The following COPS4 variants were observed in gnomAD, a reference collection of about 807,000 sequenced individuals.
COPS4 encodes the protein COP9 signalosome subunit 4, also known as COP9 signalosome complex subunit 4.
Under a neutral mutation model 55.1 loss-of-function variants are expected in COPS4, and 8 were observed. The observed-to-expected ratio is 0.15, with a 90% confidence interval of 0.09 to 0.26. The LOEUF (loss-of-function observed/expected upper bound fraction) is 0.26, where lower values mean the gene tolerates loss of function less well. COPS4 is among the 10% of genes least tolerant of loss of function. The pLI, the probability that COPS4 is intolerant of heterozygous loss-of-function variation, is 1.00. For missense variants in COPS4, 248 were observed against 484.0 expected (o/e 0.51, Z 4.58); for synonymous variants, 185 against 165.7 (o/e 1.12, Z -0.90).
chr4:83,063,278 T>TGATTCTCCTACTTCAGC lies in COPS4; in HGVS notation c.886+32_886+33insGATTCTCCTACTTCAGC, dbSNP rs761057134. 4.0e-5 allele frequency: 61 copies of TGATTCTCCTACTTCAGC among 1,541,752 alleles called. No homozygotes were observed. In the African/African-American group the frequency reaches 8.4e-4, roughly 21 times the overall value. On this transcript the variant is annotated intron_variant, in intron 7 of 9. Transcript: ENST00000264389. The stretch of plus-strand genomic sequence containing the variant: ...ATCCTGTCTTATGTGTATATGGTAG[T>TGATTCTCCTACTTCAGC]CAATGTTTAGGTACAGACTAGTGAA...
At chr4:83,048,546 G>T (rs1730776819) in intron 2 of COPS4, among the ~76,000 whole-genome samples, 1 of 152,004 alleles carries the variant, frequency 6.6e-6, no homozygotes, top group South Asian at 2.1e-4. Flanking sequence ...AGAAAAATGA[G>T]ATAAAATTAT....
chr4:83,059,339 T>A (rs1328542106), intron 6 of COPS4, among the ~76,000 whole-genome samples: 1 of 152,210 alleles, frequency 6.6e-6, no homozygotes, highest in Non-Finnish European at 1.5e-5. Context: ...TCTGAAATTA[T>A]ATGTAGTTGT....
At chr4:83,073,317 A>G in intron 9 of COPS4, 1 of 694,620 alleles carries the variant, frequency 1.4e-6, no homozygotes, top group South Asian at 1.5e-5. Flanking sequence ...GATTCCACTC[A>G]GCATAGTATC....
At chr4:83,047,564 A>G (rs1391974828) in intron 2 of COPS4, among the ~76,000 whole-genome samples, 2 of 152,178 alleles carry the variant, frequency 1.3e-5, no homozygotes, top group African/African-American at 4.8e-5. Context: ...AAACAATTAA[A>G]AAACATATAT....
At chr4:83,044,192 C>T (rs1361741218) in intron 1 of COPS4, among the ~76,000 whole-genome samples, 1 of 152,194 alleles carries the variant, frequency 6.6e-6, no homozygotes, top group East Asian at 1.9e-4. Context: ...CGCCTGTAAT[C>T]CCAGCACTGT....
chr4:83,038,624 T>G (rs1332959147), intron 1 of COPS4, among the ~76,000 whole-genome samples: 4 of 4,432 alleles, frequency 9.0e-4, no homozygotes, highest in Admixed American at 3.5e-3. Context: ...CACTTACCTG[T>G]TTTTTTTGTT....
intron 9 of COPS4, among the ~76,000 whole-genome samples, chr4:83,071,654 A>G (rs551143878): frequency 6.6e-6 from 1 of 151,224 alleles, no homozygotes; most frequent in African/African-American, 2.4e-5. Flanking sequence ...CCTGGCCTCA[A>G]GTGATCCTCC....
rs759755279 is a variant in COPS4 at position 83,057,362 on chromosome 4, A to G, written c.669A>G (p.Leu223=). ...CAATAGTCCACGAAAGTGAAAGACT[A>G]GAGGCCTTAAAACATGCTTTGCACT... The part of the protein sequence containing the change: ...YKTIVHESER[L]EALKHALHCT... Residue 223 remains leucine, a synonymous_variant, in exon 6 of 10, where the codon CTA becomes CTG. Coordinates refer to ENST00000264389, the MANE Select transcript of COPS4 (RefSeq NM_016129.3). 1.3e-5 allele frequency: 21 copies of G among 1,612,896 alleles called. No individual in the cohort carries two copies. Among genetic ancestry groups the G allele is most frequent in the Non-Finnish European group, 1.7e-5 (20 of 1,179,552 alleles).
chr4:83,075,375 G>C lies in COPS4; in HGVS notation c.1166G>C (p.Ser389Thr), dbSNP rs901607194. 5 of 1,614,012 alleles carry C rather than the reference G, an allele frequency of 3.1e-6. No individual in the cohort carries two copies. The highest frequency in any genetic ancestry group is 3.4e-6 in the Non-Finnish European group (4 of 1,180,026). ...GTGAATAACCTTTTGGAGAAAATTA[G>C]TCAAACAGCACCAGAATGGACAGCA... Reference protein sequence around the residue: ...FQVNNLLEKISQTAPEWTAQA... With the variant: ...FQVNNLLEKITQTAPEWTAQA... Residue 389 changes from serine (S) to threonine (T), a missense_variant, in exon 10 of 10, where the codon AGT (serine) becomes ACT (threonine). Physicochemically the swap from Ser to Thr is moderately conservative, Grantham distance 58. Around this residue, in one of 4 missense-constraint regions of COPS4, gnomAD observed 38 missense variants for 77.9 expected, o/e 0.49. Transcript: ENST00000264389.
chr4:83,035,205 A>C lies in COPS4; in HGVS notation c.-20A>C, dbSNP rs1578698289. On this transcript the variant is annotated 5_prime_UTR_variant, in exon 1 of 10. Coordinates refer to ENST00000264389, the MANE Select transcript of COPS4 (RefSeq NM_016129.3). ...TTGGCTGCCAGAGGCCCCCGCATCCACCGCTGAGCTGGGAGAAAGATGGCG... is the reference window on the plus strand; with the variant it reads ...TTGGCTGCCAGAGGCCCCCGCATCCCCCGCTGAGCTGGGAGAAAGATGGCG... 1 of 1,550,360 alleles carries C rather than the reference A, an allele frequency of 6.5e-7. No individual in the cohort carries two copies. Among genetic ancestry groups the C allele is most frequent in the Non-Finnish European group, 8.8e-7 (1 of 1,139,534 alleles).
intron 1 of COPS4, 140 bp from the exon 2 acceptor site, chr4:83,045,486 G>C (rs1730683949): frequency 1.9e-6 from 1 of 525,294 alleles, no homozygotes; most frequent in Admixed American, 3.4e-5. Flanking sequence ...AAAAAAATCT[G>C]TGGTATACTA....
rs1731552744 is a variant in COPS4, at chr4:83,075,558, G to T, written c.*128G>T. On this transcript the variant is annotated 3_prime_UTR_variant, in exon 10 of 10. Coordinates refer to ENST00000264389, the MANE Select transcript of COPS4 (RefSeq NM_016129.3). ...CCTTTTATGCTGGATTCCGTTTAAA[G>T]AAGACATTATTAGAGCAGGAAGTAC... 5.7e-6 allele frequency: 6 copies of T among 1,047,122 alleles called. No individual in the cohort carries two copies. Among genetic ancestry groups the T allele is most frequent in the Non-Finnish European group, 6.8e-6 (5 of 739,578 alleles). 64.9% of individuals were successfully genotyped at this position (1,047,122 alleles called of 1,614,324 possible).
chr4:83,040,901 A>G lies in COPS4; in HGVS notation c.75-4725A>G, dbSNP rs537336661. 7.3e-5 allele frequency among the ~76,000 whole-genome samples: 11 copies of G among 150,664 alleles called. No homozygotes were observed. In the East Asian group the frequency reaches 9.8e-4, roughly 13 times the overall value. Reference sequence around the variant, plus strand: ...TGTGGTACATTTTCATGCTTTATTTATCTCCAGATTCCTTTCAAGTGCCAA... The same window carrying G: ...TGTGGTACATTTTCATGCTTTATTTGTCTCCAGATTCCTTTCAAGTGCCAA... On this transcript the variant is annotated intron_variant, in intron 1 of 9. Transcript: ENST00000264389.
At chr4:83,040,124 G>A (rs1730521594) in intron 1 of COPS4, among the ~76,000 whole-genome samples, 1 of 152,120 alleles carries the variant, frequency 6.6e-6, no homozygotes, top group Non-Finnish European at 1.5e-5. Flanking sequence ...TGTTTAATCT[G>A]CCGTTAAGTA....
chr4:83,053,581 C>T (rs1035071227), intron 4 of COPS4, among the ~76,000 whole-genome samples: 1 of 152,092 alleles, frequency 6.6e-6, no homozygotes, highest in African/African-American at 2.4e-5. Flanking sequence ...TAGCTCACGC[C>T]TGTAATCCCA....
At chr4:83,065,101 C>G (rs909093391) in intron 7 of COPS4, 1 of 675,894 alleles carries the variant, frequency 1.5e-6, no homozygotes, top group Admixed American at 2.1e-5. Context: ...TCTTGAACTC[C>G]TGGGCTCAAG....
At chr4:83,074,501 C>T (rs1255383160) in intron 9 of COPS4, among the ~76,000 whole-genome samples, 4 of 136,980 alleles carry the variant, frequency 2.9e-5, no homozygotes, top group Non-Finnish European at 3.1e-5. Context: ...TCACTCTTGT[C>T]GCCCAGGCTG....
chr4:83,053,255 A>G (rs1342620049), intron 4 of COPS4, among the ~76,000 whole-genome samples: 4 of 152,348 alleles, frequency 2.6e-5, no homozygotes, highest in Admixed American at 2.0e-4. Context: ...CATTTCAGCT[A>G]CATGAGTACG....
In COPS4 at chr4:83,063,158, A is replaced by G. The variant is rs753752591; in HGVS notation, c.798A>G (p.Lys266=). 1 of 1,612,352 alleles carries G rather than the reference A, an allele frequency of 6.2e-7. No individual in the cohort carries two copies. The highest frequency in any genetic ancestry group is 8.5e-7 in the Non-Finnish European group (1 of 1,179,542). The stretch of plus-strand genomic sequence containing the variant: ...TTGCTGCCTATGGGATCCTAGAGAA[A>G]ATGTATCTAGATAGGATCATCAGAG... The part of the protein sequence containing the change: ...QQLAAYGILE[K]MYLDRIIRGN... The change falls in exon 7 of 10, where the codon AAA becomes AAG. Residue 266 remains lysine, a synonymous_variant. Coordinates refer to ENST00000264389, the MANE Select transcript of COPS4 (RefSeq NM_016129.3).
Sources: gnomAD v4.1 joint callset for allele counts (sites outside exome capture counted in the v4.1 genomes callset) on GRCh38, gnomAD v4.1.1 for gene constraint, gnomAD v4.1.1 regional missense constraint, MANE v1.5 for transcripts, NCBI Gene and HGNC (gene_info 2026-07-23, HGNC 2026-07-21) for gene names.